The following NHSL1 variants were observed in gnomAD, a reference collection of about 807,000 sequenced individuals.
The protein encoded by NHSL1 is NHS-like protein 1.
A neutral mutation model predicts 95.0 loss-of-function variants in NHSL1; 48 were observed. The observed-to-expected ratio is 0.51, with a 90% confidence interval of 0.40 to 0.64. The LOEUF is 0.64. Among genes scored for constraint, NHSL1 ranks in the 30% least tolerant of loss-of-function variants. NHSL1 has a pLI of 0.00. For missense variants in NHSL1, 1,971 were observed against 2,077.7 expected (o/e 0.95, Z 1.00); for synonymous variants, 783 against 833.9 (o/e 0.94, Z 1.05).
intron 1 of NHSL1, among the ~76,000 whole-genome samples, chr6:138,524,161 C>T (rs1262598861): frequency 6.6e-6 from 1 of 152,136 alleles, no homozygotes; most frequent in African/African-American, 2.4e-5. Context: ...GAGCACTTAC[C>T]TGAGTAAATC....
intron 1 of NHSL1, among the ~76,000 whole-genome samples, chr6:138,682,755 A>C (rs1032483801): frequency 6.6e-6 from 1 of 152,052 alleles, no homozygotes; most frequent in African/African-American, 2.4e-5. Flanking sequence ...CTTGCTAGGG[A>C]GGTCTGTTCC....
At chr6:138,429,662 A>G in intron 7 of NHSL1, 49 bp downstream of exon 7, 1 of 1,463,872 alleles carries the variant, frequency 6.8e-7, no homozygotes, top group Non-Finnish European at 9.1e-7. Context: ...CTGCTTGGAA[A>G]GAAGGAATTA....
intron 1 of NHSL1, among the ~76,000 whole-genome samples, chr6:138,670,300 T>C (rs111383817): frequency 8.0e-5 from 12 of 150,562 alleles, no homozygotes; most frequent in African/African-American, 2.7e-4. Context: ...CTAGACACCT[T>C]AGGAAAATCA....
At chr6:138,608,593 G>A (rs1784466851) in intron 1 of NHSL1, among the ~76,000 whole-genome samples, 1 of 152,168 alleles carries the variant, frequency 6.6e-6, no homozygotes, top group African/African-American at 2.4e-5. Context: ...GATAAAACTT[G>A]TTATCCATAC....
chr6:138,441,019 G>A (rs1358769849), intron 5 of NHSL1, among the ~76,000 whole-genome samples: 4 of 152,196 alleles, frequency 2.6e-5, no homozygotes, highest in South Asian at 2.1e-4. Context: ...TAGCTATTAC[G>A]TTTATGGTAG....
chr6:138,621,755 A>C (rs1784667348), intron 1 of NHSL1, among the ~76,000 whole-genome samples: 1 of 152,214 alleles, frequency 6.6e-6, no homozygotes, highest in South Asian at 2.1e-4. Context: ...AAAAATATGC[A>C]TGCAAACCAA....
intron 1 of NHSL1, among the ~76,000 whole-genome samples, chr6:138,607,505 C>T (rs1036521739): frequency 2.6e-5 from 4 of 152,120 alleles, no homozygotes; most frequent in South Asian, 2.1e-4. Flanking sequence ...TAAAACTGTG[C>T]GTGTTTTTAT....
chr6:138,621,431 T>C (rs565122384), intron 1 of NHSL1, among the ~76,000 whole-genome samples: 1 of 152,000 alleles, frequency 6.6e-6, no homozygotes, highest in African/African-American at 2.4e-5. Flanking sequence ...AAAAGTTAAA[T>C]TAAAATACAA....
At chr6:138,597,358 G>A (rs544297634) in intron 1 of NHSL1, among the ~76,000 whole-genome samples, 1 of 152,122 alleles carries the variant, frequency 6.6e-6, no homozygotes, top group Admixed American at 6.5e-5. Flanking sequence ...TTCCATCTCA[G>A]ATACTGTTAT....
chr6:138,646,219 T>C (rs1785019275), intron 1 of NHSL1, among the ~76,000 whole-genome samples: 2 of 152,318 alleles, frequency 1.3e-5, no homozygotes, highest in East Asian at 1.9e-4. Context: ...ACATACCACA[T>C]AAATCCCTTG....
rs117571243 is a variant in NHSL1, at chr6:138,453,222, G to A, written c.340-6029C>T. Among the ~76,000 whole-genome samples, 1,064 of 152,194 alleles carry A rather than the reference G, an allele frequency of 7.0e-3. 4 individuals carry two copies. Among genetic ancestry groups the A allele is most frequent in the Non-Finnish European group, 9.9e-3 (671 of 67,998 alleles). ...ACTCTTGACCTCAGGTAATCCGCCC[G>A]CCTCAGCCTCCAAAGTGTTGGGATT... is the stretch of plus-strand genomic sequence containing the variant. On this transcript the variant is annotated intron_variant, in intron 3 of 7. Transcript: ENST00000343505.
chr6:138,555,183 C>A (rs1361925981), intron 1 of NHSL1, among the ~76,000 whole-genome samples: 1 of 152,142 alleles, frequency 6.6e-6, no homozygotes, highest in Non-Finnish European at 1.5e-5. Flanking sequence ...ATGATCTGAG[C>A]CTTTTCCTTT....
At chr6:138,609,086 G>T (rs1208913967) in intron 1 of NHSL1, among the ~76,000 whole-genome samples, 1 of 152,194 alleles carries the variant, frequency 6.6e-6, no homozygotes, top group East Asian at 1.9e-4. Flanking sequence ...GATCCCCAAA[G>T]ATTAAGAAAT....
At chr6:138,601,747 G>A (rs1031370333) in intron 1 of NHSL1, among the ~76,000 whole-genome samples, 1 of 152,036 alleles carries the variant, frequency 6.6e-6, no homozygotes, top group African/African-American at 2.4e-5. Flanking sequence ...GGGAGGTGGA[G>A]GTTGCAGTGA....
intron 1 of NHSL1, among the ~76,000 whole-genome samples, chr6:138,594,311 T>C (rs1285946021): frequency 6.6e-6 from 1 of 152,124 alleles, no homozygotes; most frequent in East Asian, 1.9e-4. Context: ...TATTCAGTCA[T>C]TTGGGAGAAT....
At chr6:138,582,419 A>G (rs1020941768) in intron 1 of NHSL1, among the ~76,000 whole-genome samples, 1 of 151,992 alleles carries the variant, frequency 6.6e-6, no homozygotes, top group East Asian at 1.9e-4. Context: ...GGACCAAAAA[A>G]ACTTCGAAAA....
At chr6:138,545,684 GC>G in exon 1 of NHSL1, 1 of 1,288,808 alleles carries the variant, frequency 7.8e-7, no homozygotes, top group Non-Finnish European at 1.0e-6. Flanking sequence ...GTCTGATGAA[GC>G]CTGCAGTGCT....
chr6:138,563,968 G>A (rs1043300291), intron 1 of NHSL1, among the ~76,000 whole-genome samples: 3 of 152,182 alleles, frequency 2.0e-5, no homozygotes, highest in African/African-American at 7.2e-5. Flanking sequence ...GATTGCATTA[G>A]CACAATGGAG....
chr6:138,580,586 C>T (rs1314368958), intron 1 of NHSL1, among the ~76,000 whole-genome samples: 1 of 152,142 alleles, frequency 6.6e-6, no homozygotes, highest in Non-Finnish European at 1.5e-5. Flanking sequence ...CACTTTCAAG[C>T]TACCAACAAT....
Sources: gnomAD v4.1 joint callset for allele counts (sites outside exome capture counted in the v4.1 genomes callset) on GRCh38, gnomAD v4.1.1 for gene constraint, MANE v1.5 for transcripts, NCBI Gene and HGNC (gene_info 2026-07-23, HGNC 2026-07-21) for gene names.